The following SPATA17 variants were observed in gnomAD, a reference collection of about 807,000 sequenced individuals.
SPATA17 encodes spermatogenesis-associated protein 17.
Under a neutral mutation model 62.2 loss-of-function variants are expected in SPATA17, and 53 were observed. The ratio of observed to expected loss-of-function variants is 0.85; its 90% confidence interval spans 0.68 to 1.07. The LOEUF is 1.07. Among genes scored for constraint, SPATA17 ranks in the 50% least tolerant of loss-of-function variants. The probability of loss-of-function intolerance (pLI) is 0.00; values close to 1 mark genes in which losing one functional copy is unlikely to be tolerated. For missense variants in SPATA17, 466 were observed against 425.5 expected, an observed-to-expected ratio of 1.10 and a Z score of -0.84; for synonymous variants, 146 against 146.8, an observed-to-expected ratio of 0.99 and a Z score of 0.04.
At chr1:217,808,669 T>C (rs1280128812) in intron 9 of SPATA17, among the ~76,000 whole-genome samples, 2 of 152,024 alleles carry the variant, frequency 1.3e-5, no homozygotes, top group Non-Finnish European at 2.9e-5. Flanking sequence ...CTGGCCAACA[T>C]GGTGAAACCC....
chr1:217,782,547 G>T (rs1355786662), intron 8 of SPATA17, among the ~76,000 whole-genome samples: 1 of 151,966 alleles, frequency 6.6e-6, no homozygotes, highest in African/African-American at 2.4e-5. Context: ...AAAAAGATCG[G>T]CATTTTGAGG....
chr1:217,683,202 A>G (rs1265611741), intron 4 of SPATA17, 56 bp from the exon 5 acceptor site: 2 of 1,255,696 alleles, frequency 1.6e-6, no homozygotes, highest in African/African-American at 1.5e-5. Context: ...AAGTGCTATT[A>G]CATTTTTAAT....
chr1:217,651,836 T>G lies in SPATA17; in HGVS notation c.240+658T>G, dbSNP rs74867932. On this transcript the variant is annotated intron_variant, in intron 3 of 10. Transcript: ENST00000366933. ...TTAAACACCTGCTATATACCAGGCA[T>G]GTTGTGTAATTATTTAATTTGTATG... Among the ~76,000 whole-genome samples, 40 of 152,322 alleles carry G rather than the reference T, an allele frequency of 2.6e-4. No homozygotes were observed. The East Asian group carries it at 6.9e-3, about 26-fold the overall frequency.
intron 5 of SPATA17, among the ~76,000 whole-genome samples, chr1:217,694,772 G>C (rs747773533): frequency 0.049 from 7,234 of 147,492 alleles, 226 homozygotes; most frequent in Middle Eastern, 0.11. Flanking sequence ...GGCTGGATAT[G>C]AAATTCTGGG....
At chr1:217,747,772 G>A (rs1265195398) in intron 6 of SPATA17, among the ~76,000 whole-genome samples, 1 of 152,036 alleles carries the variant, frequency 6.6e-6, no homozygotes, top group African/African-American at 2.4e-5. Context: ...TAATTTTCAT[G>A]TCATAATTTA....
chr1:217,632,467 G>C (rs1261703132), intron 1 of SPATA17, among the ~76,000 whole-genome samples: 1 of 152,196 alleles, frequency 6.6e-6, no homozygotes, highest in Middle Eastern at 3.2e-3. Flanking sequence ...ATGTCAATGA[G>C]ATAGGGTCTT....
At chr1:217,789,992 G>C (rs147894453) in intron 8 of SPATA17, among the ~76,000 whole-genome samples, 1 of 151,790 alleles carries the variant, frequency 6.6e-6, no homozygotes, top group African/African-American at 2.4e-5. Context: ...AGCCCAGATC[G>C]CACCACTGCA....
chr1:217,736,260 A>G (rs1432518732), intron 5 of SPATA17, among the ~76,000 whole-genome samples: 2 of 152,176 alleles, frequency 1.3e-5, no homozygotes, highest in Non-Finnish European at 2.9e-5. Flanking sequence ...TCTAGTTCTT[A>G]TCATCATTCA....
At chr1:217,836,756 A>G (rs571384937) in intron 9 of SPATA17, among the ~76,000 whole-genome samples, 1 of 152,124 alleles carries the variant, frequency 6.6e-6, no homozygotes, top group Non-Finnish European at 1.5e-5. Context: ...ACAAAGAGCT[A>G]TGACCTCTCA....
intron 9 of SPATA17, among the ~76,000 whole-genome samples, chr1:217,817,241 A>G (rs955396272): frequency 6.6e-6 from 1 of 152,060 alleles, no homozygotes. Flanking sequence ...CCCAAATCGC[A>G]TCTTGAATTG....
intron 4 of SPATA17, among the ~76,000 whole-genome samples, chr1:217,673,988 C>G (rs186203532): frequency 9.9e-5 from 15 of 152,142 alleles, no homozygotes. Context: ...AGAAGTCTCT[C>G]ATTCAAAATG....
chr1:217,848,610 A>G (rs1239247443), intron 9 of SPATA17, among the ~76,000 whole-genome samples: 3 of 152,140 alleles, frequency 2.0e-5, no homozygotes, highest in Middle Eastern at 3.2e-3. Context: ...AAATCTTTCA[A>G]TATAATCTTT....
At chr1:217,768,427 G>C (rs1280453053) in intron 6 of SPATA17, among the ~76,000 whole-genome samples, 1 of 151,234 alleles carries the variant, frequency 6.6e-6, no homozygotes, top group African/African-American at 2.4e-5. Flanking sequence ...CCACAACCAT[G>C]TCTTTATTTT....
At chr1:217,739,536 A>G (rs1221362953) in intron 5 of SPATA17, 6 of 152,166 alleles carry the variant, frequency 3.9e-5, no homozygotes, top group African/African-American at 1.4e-4. Context: ...AAAACAACCT[A>G]TCTAAATGTC....
At chr1:217,835,274 T>C (rs746514049) in intron 9 of SPATA17, among the ~76,000 whole-genome samples, 12 of 152,174 alleles carry the variant, frequency 7.9e-5, no homozygotes, top group Non-Finnish European at 1.6e-4. Context: ...GGGTCTGCAT[T>C]GTTGATGTAG....
chr1:217,775,204 T>C (rs1300399198), intron 7 of SPATA17, among the ~76,000 whole-genome samples: 2 of 152,216 alleles, frequency 1.3e-5, no homozygotes, highest in Non-Finnish European at 2.9e-5. Context: ...AATCTTTTTA[T>C]GTGCCTATTG....
At chr1:217,697,832 A>T (rs1372020016) in intron 5 of SPATA17, among the ~76,000 whole-genome samples, 1 of 152,212 alleles carries the variant, frequency 6.6e-6, no homozygotes, top group African/African-American at 2.4e-5. Context: ...AATGGTTAAT[A>T]GATATTCATG....
chr1:217,661,174 C>T (rs1670560483), intron 3 of SPATA17, among the ~76,000 whole-genome samples: 1 of 151,866 alleles, frequency 6.6e-6, no homozygotes, highest in Non-Finnish European at 1.5e-5. Context: ...GTGAACAGTA[C>T]AGAATGGTGT....
intron 9 of SPATA17, among the ~76,000 whole-genome samples, chr1:217,816,446 A>G (rs1474521691): frequency 6.6e-6 from 1 of 151,710 alleles, no homozygotes; most frequent in East Asian, 1.9e-4. Flanking sequence ...AGATAATTAT[A>G]TCATCTGCAC....
Sources: gnomAD v4.1 joint callset for allele counts (sites outside exome capture counted in the v4.1 genomes callset) on GRCh38, gnomAD v4.1.1 for gene constraint, MANE v1.5 for transcripts, NCBI Gene and HGNC (gene_info 2026-07-23, HGNC 2026-07-21) for gene names.